Variants in KHDRBS2 observed in about 807,000 individuals in gnomAD.
KHDRBS2 encodes the protein KH domain-containing, RNA-binding, signal transduction-associated protein 2.
A neutral mutation model predicts 44.3 loss-of-function variants in KHDRBS2; 26 were observed. The ratio of observed to expected loss-of-function variants is 0.59; its 90% CI spans 0.43 to 0.81. The LOEUF (loss-of-function observed/expected upper bound fraction) is 0.81, where lower values mean the gene tolerates loss of function less well. Ranked by LOEUF, KHDRBS2 falls within the 40% of genes least tolerant of loss-of-function variation. The probability of loss-of-function intolerance (pLI) is 0.00; values close to 1 mark genes in which losing one functional copy is unlikely to be tolerated. For synonymous variants in KHDRBS2, 194 were observed against 151.1 expected (o/e 1.28, Z -2.08); for missense variants, 476 against 433.1 (o/e 1.10, Z -0.88).
intron 4 of KHDRBS2, among the ~76,000 whole-genome samples, chr6:61,915,076 G>T (rs12661879): frequency 6.6e-6 from 1 of 151,868 alleles, no homozygotes; most frequent in African/African-American, 2.4e-5. Flanking sequence ...ACAGTAGAAG[G>T]GTGTGTAGAT....
In KHDRBS2 at chr6:61,930,442, A is replaced by G. The variant is rs180695586; in HGVS notation, c.484-29071T>C. Among the ~76,000 whole-genome samples, 771 of 148,608 alleles carry G rather than the reference A, an allele frequency of 5.2e-3. 7 individuals are homozygous for G. The highest frequency in any genetic ancestry group is 6.9e-3 in the Middle Eastern group (2 of 290). ...ATTCTTATATGAAATGCTCAAGGGG[A>G]ATAACTTCTAGTTATCACTGTGTGC... On this transcript the variant is annotated intron_variant, in intron 4 of 8. Transcript: ENST00000281156.
At chr6:61,757,107 C>T (rs1778604890) in intron 6 of KHDRBS2, among the ~76,000 whole-genome samples, 1 of 152,050 alleles carries the variant, frequency 6.6e-6, no homozygotes, top group South Asian at 2.1e-4. Flanking sequence ...CTTTAATCTG[C>T]CCCAAGTCAA....
the KHDRBS2 span, among the ~76,000 whole-genome samples, chr6:61,593,273 G>A: frequency 2.6e-5 from 4 of 152,114 alleles, no homozygotes; most frequent in African/African-American, 9.7e-5. Flanking sequence ...AGTTTGTAGG[G>A]CTTTAAGAGA....
At chr6:61,644,497 A>G in the KHDRBS2 span, among the ~76,000 whole-genome samples, 3 of 152,328 alleles carry the variant, frequency 2.0e-5, no homozygotes, top group East Asian at 5.8e-4. Context: ...AGCAAAAGAA[A>G]CTATCAACAG....
At chr6:61,569,361 CATCACCTGAGAAGCTA>C in the KHDRBS2 span, among the ~76,000 whole-genome samples, 1 of 152,120 alleles carries the variant, frequency 6.6e-6, no homozygotes, top group Non-Finnish European at 1.5e-5. Context: ...TGGCCCTGCC[CATCACCTGAGAAGCTA>C]AAATACTTAC....
chr6:61,594,896 A>G, the KHDRBS2 span, among the ~76,000 whole-genome samples: 2 of 152,158 alleles, frequency 1.3e-5, no homozygotes, highest in Non-Finnish European at 2.9e-5. Context: ...ATCACAAATC[A>G]CTGTAAAATA....
At chr6:61,810,521 T>C (rs1562227113) in intron 6 of KHDRBS2, among the ~76,000 whole-genome samples, 1 of 152,246 alleles carries the variant, frequency 6.6e-6, no homozygotes, top group East Asian at 1.9e-4. Flanking sequence ...TAATAAATGC[T>C]TTGTTATTAT....
At chr6:61,582,530 A>G in the KHDRBS2 span, among the ~76,000 whole-genome samples, 1 of 151,740 alleles carries the variant, frequency 6.6e-6, no homozygotes, top group East Asian at 1.9e-4. Context: ...TAATAGATAA[A>G]TTTCTTCAAA....
chr6:62,044,114 A>T (rs930667444), intron 3 of KHDRBS2, among the ~76,000 whole-genome samples: 2 of 151,932 alleles, frequency 1.3e-5, no homozygotes, highest in African/African-American at 4.8e-5. Context: ...ATCTTCTTTT[A>T]TCATGAAGTA....
intron 1 of KHDRBS2, among the ~76,000 whole-genome samples, chr6:62,246,162 G>T (rs2150171140): frequency 7.1e-6 from 1 of 141,730 alleles, no homozygotes; most frequent in Admixed American, 7.4e-5. Flanking sequence ...ACTCAGATAA[G>T]CTAGTGCTAA....
At chr6:61,845,408 C>T (rs1431824003) in intron 6 of KHDRBS2, among the ~76,000 whole-genome samples, 3 of 149,180 alleles carry the variant, frequency 2.0e-5, no homozygotes, top group African/African-American at 2.5e-5. Flanking sequence ...CTCCCGGGTT[C>T]GAGCGATTCT....
At chr6:62,027,458 A>G (rs1357360406) in intron 3 of KHDRBS2, among the ~76,000 whole-genome samples, 2 of 152,074 alleles carry the variant, frequency 1.3e-5, no homozygotes, top group Admixed American at 6.6e-5. Flanking sequence ...TGAAAGGAAT[A>G]TCTTTTGTTA....
intron 3 of KHDRBS2, among the ~76,000 whole-genome samples, chr6:62,004,311 T>C (rs111511127): frequency 5.3e-5 from 8 of 152,022 alleles, no homozygotes; most frequent in Admixed American, 3.3e-4. Context: ...CAAAAAATGA[T>C]AAAAGGGATA....
intron 2 of KHDRBS2, among the ~76,000 whole-genome samples, chr6:62,072,204 T>A (rs1795292010): frequency 6.6e-6 from 1 of 152,216 alleles, no homozygotes; most frequent in Non-Finnish European, 1.5e-5. Context: ...ATCCTGAGAC[T>A]TGGCTGAATT....
At chr6:61,966,503 G>T (rs999104602) in intron 4 of KHDRBS2, among the ~76,000 whole-genome samples, 11 of 151,980 alleles carry the variant, frequency 7.2e-5, no homozygotes, top group Non-Finnish European at 1.0e-4. Flanking sequence ...ATTTGCATGT[G>T]CATTTTTCTG....
At chr6:62,060,950 T>A (rs1791678872) in intron 2 of KHDRBS2, among the ~76,000 whole-genome samples, 2 of 152,038 alleles carry the variant, frequency 1.3e-5, no homozygotes, top group South Asian at 2.1e-4. Context: ...CATGTTTTGA[T>A]CTTTGTTGGT....
intron 2 of KHDRBS2, among the ~76,000 whole-genome samples, chr6:62,159,509 A>T (rs992214234): frequency 6.6e-6 from 1 of 152,106 alleles, no homozygotes; most frequent in Admixed American, 6.6e-5. Context: ...TCCATTATAC[A>T]GTAACTGTGC....
chr6:61,552,358 A>AT, the KHDRBS2 span, among the ~76,000 whole-genome samples: 1 of 152,048 alleles, frequency 6.6e-6, no homozygotes, highest in East Asian at 1.9e-4. Context: ...TTGTACATTG[A>AT]TTTTGTATAC....
intron 2 of KHDRBS2, among the ~76,000 whole-genome samples, chr6:62,170,971 A>T (rs1230851897): frequency 6.6e-6 from 1 of 151,570 alleles, no homozygotes; most frequent in African/African-American, 2.4e-5. Context: ...AAAAAAACCA[A>T]CCAAAGGACA....
Sources: allele counts gnomAD v4.1 joint callset (sites outside exome capture counted in the v4.1 genomes callset), GRCh38; gene constraint gnomAD v4.1.1; transcripts MANE v1.5; gene names NCBI Gene and HGNC (gene_info 2026-07-23, HGNC 2026-07-21).